The following VANGL1 variants were observed in gnomAD, a reference collection of about 807,000 sequenced individuals.
The protein encoded by VANGL1 is vang-like protein 1.
VANGL1 carries 18 observed loss-of-function variants against 48.4 expected under a neutral mutation model. That is an observed-to-expected ratio of 0.37 (90% CI 0.26 to 0.55). The LOEUF (loss-of-function observed/expected upper bound fraction) is 0.55, where lower values mean the gene tolerates loss of function less well. Ranked by LOEUF, VANGL1 falls within the 20% of genes least tolerant of loss-of-function variation. The pLI is 0.81. For missense variants in VANGL1, 667 were observed against 675.8 expected (o/e 0.99, Z 0.14); for synonymous variants, 257 against 261.8 (o/e 0.98, Z 0.18).
chr1:115,656,155 C>T (rs1024404932), intron 2 of VANGL1, among the ~76,000 whole-genome samples: 2 of 152,214 alleles, frequency 1.3e-5, no homozygotes, highest in Admixed American at 6.5e-5. Flanking sequence ...AGGTTCTTGG[C>T]TCGGTATCCC....
At chr1:115,660,600 G>A (rs935267950) in intron 3 of VANGL1, among the ~76,000 whole-genome samples, 1 of 152,182 alleles carries the variant, frequency 6.6e-6, no homozygotes, top group Non-Finnish European at 1.5e-5. Flanking sequence ...ACAGAAACAT[G>A]TCTGCATACC....
At chr1:115,675,784 C>CA (rs747217351) in intron 4 of VANGL1, among the ~76,000 whole-genome samples, 10 of 152,070 alleles carry the variant, frequency 6.6e-5, no homozygotes, top group South Asian at 6.2e-4. Flanking sequence ...AGCGAGACTC[C>CA]ATCCCTAAAT....
At chr1:115,644,992 A>G (rs1178517737) in intron 1 of VANGL1, among the ~76,000 whole-genome samples, 1 of 152,248 alleles carries the variant, frequency 6.6e-6, no homozygotes, top group Non-Finnish European at 1.5e-5. Flanking sequence ...CACAAATGCC[A>G]TAAGCCCAGC....
At chr1:115,672,960 C>T (rs909516422) in intron 4 of VANGL1, among the ~76,000 whole-genome samples, 6 of 152,178 alleles carry the variant, frequency 3.9e-5, no homozygotes, top group Non-Finnish European at 7.3e-5. Context: ...TTAGCTCTTA[C>T]GGACTCTTCT....
At chr1:115,683,596 G>A (rs1358368041) in intron 5 of VANGL1, among the ~76,000 whole-genome samples, 1 of 152,040 alleles carries the variant, frequency 6.6e-6, no homozygotes, top group Non-Finnish European at 1.5e-5. Context: ...CCGCCCTTAT[G>A]GCCAAACTGA....
In VANGL1 at chr1:115,691,169, G is replaced by A; in HGVS notation, c.1365G>A (p.Lys455=). 6.2e-7 allele frequency: 1 copy of A among 1,614,112 alleles called. No homozygotes were observed. Among genetic ancestry groups the A allele is most frequent in the Non-Finnish European group, 8.5e-7 (1 of 1,180,020 alleles). ...CGGGCCCCACCCTGCAATATGACAA[G>A]GACCGCTGGCTCTCTACACAGTGGA... The part of the protein sequence containing the change: ...LSAGPTLQYD[K]DRWLSTQWRL... The change falls in exon 8 of 8, where the codon AAG becomes AAA. Residue 455 remains lysine (K), a synonymous_variant. Coordinates refer to ENST00000355485, the MANE Select transcript of VANGL1 (RefSeq NM_138959.3).
chr1:115,685,166 C>T (rs1276320519), intron 6 of VANGL1, 127 bp from the exon 7 acceptor site: 12 of 949,642 alleles, frequency 1.3e-5, no homozygotes, highest in Non-Finnish European at 2.0e-5. Context: ...GCTAAGGATG[C>T]AAGCAGCGTG....
intron 4 of VANGL1, among the ~76,000 whole-genome samples, chr1:115,678,827 G>A (rs759858470): frequency 8.6e-5 from 13 of 151,884 alleles, no homozygotes; most frequent in Non-Finnish European, 1.9e-4. Context: ...GTGGTGGCAC[G>A]TGCTGTAGTC....
At chr1:115,667,186 C>G (rs1240554303) in intron 4 of VANGL1, among the ~76,000 whole-genome samples, 1 of 152,152 alleles carries the variant, frequency 6.6e-6, no homozygotes, top group Non-Finnish European at 1.5e-5. Context: ...ATGGTGAGTT[C>G]TTTTTTATGT....
intron 6 of VANGL1, among the ~76,000 whole-genome samples, chr1:115,684,600 G>A (rs1403447887): frequency 6.6e-6 from 1 of 152,216 alleles, no homozygotes; most frequent in East Asian, 1.9e-4. Flanking sequence ...ACAGGCAGCA[G>A]GTTCTGGGCC....
rs79828493 is a variant in VANGL1 at position 115,663,801 on chromosome 1, C to T, written c.345C>T (p.Val115=). 1,356 of 1,614,212 alleles carry T rather than the reference C, an allele frequency of 8.4e-4. 7 individuals are homozygous for T. In the African/African-American group the frequency reaches 0.015, roughly 17 times the overall value. ...LDCKRYLGLT[V]ASFLGLLVFL... ...GCAAACGCTACCTGGGCCTCACCGT[C>T]GCCTCTTTTCTTGGACTTCTAGTTT... The change falls in exon 4 of 8, where the codon GTC becomes GTT. Residue 115 remains valine, a synonymous_variant. Transcript: ENST00000355485.
At position 115,695,489 on chromosome 1, in the gene VANGL1, G is replaced by T. The variant is rs1654001669; in HGVS notation, c.*4110G>T. 2 of 152,580 alleles carry T rather than the reference G, an allele frequency of 1.3e-5. No homozygotes were observed. Among genetic ancestry groups the T allele is most frequent in the Non-Finnish European group, 2.9e-5 (2 of 68,024 alleles). 9.5% of individuals were successfully genotyped at this position (152,580 alleles called of 1,614,324 possible). A position where few individuals can be genotyped will look rare whatever the true frequency, so the allele number is the denominator to read the frequency against. On this transcript the variant is annotated 3_prime_UTR_variant, in exon 8 of 8. Transcript: ENST00000355485. Reference sequence around the variant, plus strand: ...CTCTTCTGCCCACCGTTCTTGATTGGTATTCAGTGCAGTAGCGAAATGAGA... The same window carrying T: ...CTCTTCTGCCCACCGTTCTTGATTGTTATTCAGTGCAGTAGCGAAATGAGA...
At chr1:115,658,858 G>A (rs533716142) in intron 2 of VANGL1, among the ~76,000 whole-genome samples, 2 of 152,192 alleles carry the variant, frequency 1.3e-5, no homozygotes, top group South Asian at 2.1e-4. Context: ...TTACAATCAC[G>A]CTGGAAGACC....
At chr1:115,674,570 C>T (rs948407379) in intron 4 of VANGL1, among the ~76,000 whole-genome samples, 6 of 152,182 alleles carry the variant, frequency 3.9e-5, no homozygotes, top group Admixed American at 1.3e-4. Context: ...CTTTTTCTGT[C>T]AGCATGTACC....
At chr1:115,662,463 A>G (rs965321780) in intron 3 of VANGL1, among the ~76,000 whole-genome samples, 1 of 152,228 alleles carries the variant, frequency 6.6e-6, no homozygotes, top group African/African-American at 2.4e-5. Flanking sequence ...TATTGTTGCC[A>G]GTTGTTTTTA....
chr1:115,658,832 C>A (rs1357029082), intron 2 of VANGL1, among the ~76,000 whole-genome samples: 1 of 152,062 alleles, frequency 6.6e-6, no homozygotes, highest in Non-Finnish European at 1.5e-5. Context: ...TCATGAGTGA[C>A]CCCCAGGCAG....
At position 115,682,393 on chromosome 1, in the gene VANGL1, A is replaced by G. The variant is rs1557774534; in HGVS notation, c.842A>G (p.Glu281Gly). 1 of 1,614,184 alleles carries G rather than the reference A, an allele frequency of 6.2e-7. No individual in the cohort carries two copies. Among genetic ancestry groups the G allele is most frequent in the East Asian group, 2.2e-5 (1 of 44,882 alleles). The change falls in exon 5 of 8, where the codon GAA (glutamate) becomes GGA (glycine). Residue 281 changes from glutamate to glycine, a missense_variant. By Grantham distance (98) the Glu-to-Gly change is moderately conservative. Coordinates refer to ENST00000355485, the MANE Select transcript of VANGL1 (RefSeq NM_138959.3). ...CAGCGAGCAGCATTGGTGGTCCTAG[A>G]AAATTACTACAAAGATTTCACCATC... ...SIQRAALVVL[E>G]NYYKDFTIYN...
Position 115,697,121 on chromosome 1 carries a change from G to A in VANGL1, c.*5742G>A, listed in dbSNP as rs371583408. The A allele has an allele frequency of 1.3e-5, 2 of 152,188 alleles. No homozygotes were observed. Among genetic ancestry groups the A allele is most frequent in the African/African-American group, 4.8e-5 (2 of 41,446 alleles). 9.4% of individuals were successfully genotyped at this position (152,188 alleles called of 1,614,324 possible). A position where few individuals can be genotyped will look rare whatever the true frequency, so the allele number is the denominator to read the frequency against. On this transcript the variant is annotated 3_prime_UTR_variant, in exon 8 of 8. Coordinates refer to ENST00000355485, the MANE Select transcript of VANGL1 (RefSeq NM_138959.3). ...CCTTCAGCCTAAGAAAGCTTCATCT[G>A]TGGGGACCAGAGACTTGTTGCTCAG... is the stretch of plus-strand genomic sequence containing the variant.
chr1:115,676,233 G>A (rs1365396575), intron 4 of VANGL1, among the ~76,000 whole-genome samples: 1 of 152,132 alleles, frequency 6.6e-6, no homozygotes, highest in Non-Finnish European at 1.5e-5. Flanking sequence ...AGACCTTCTG[G>A]AATCTAGTAC....
Sources: allele counts gnomAD v4.1 joint callset (sites outside exome capture counted in the v4.1 genomes callset), GRCh38; gene constraint gnomAD v4.1.1; transcripts MANE v1.5; gene names NCBI Gene and HGNC (gene_info 2026-07-23, HGNC 2026-07-21).